Variants in SOX5 observed in about 807,000 individuals in gnomAD.
The protein encoded by SOX5 is SRY-box transcription factor 5.
Under a neutral mutation model 92.0 loss-of-function variants are expected in SOX5, and 9 were observed. The ratio of observed to expected loss-of-function variants is 0.10; its 90% confidence interval spans 0.06 to 0.17. The LOEUF (loss-of-function observed/expected upper bound fraction) is 0.17, where lower values mean the gene tolerates loss of function less well. Ranked by LOEUF, SOX5 falls within the 10% of genes least tolerant of loss-of-function variation. The pLI, the probability that SOX5 is intolerant of heterozygous loss-of-function variation, is 1.00. For missense variants in SOX5, 642 were observed against 944.5 expected (o/e 0.68, Z 4.20); for synonymous variants, 344 against 336.3 (o/e 1.02, Z -0.25).
At chr12:24,364,889 G>C (rs893695494) in intron 2 of SOX5, among the ~76,000 whole-genome samples, 3 of 151,968 alleles carry the variant, frequency 2.0e-5, no homozygotes, top group Admixed American at 6.6e-5. Flanking sequence ...AGAGGTTTGG[G>C]GAAAGAGTTT....
chr12:23,929,644 C>T (rs757918017), intron 1 of SOX5, among the ~76,000 whole-genome samples: 1 of 151,916 alleles, frequency 6.6e-6, no homozygotes, highest in Non-Finnish European at 1.5e-5. Context: ...ATTAAGCTCA[C>T]AAAAGGAGAT....
intron 4 of SOX5, among the ~76,000 whole-genome samples, chr12:24,065,663 A>G (rs962865722): frequency 1.7e-5 from 2 of 115,132 alleles, no homozygotes; most frequent in Admixed American, 8.0e-5. Flanking sequence ...AAAAAAAAAA[A>G]AAAGAAAAGA....
intron 1 of SOX5, among the ~76,000 whole-genome samples, chr12:24,372,678 A>C (rs1299821546): frequency 1.3e-5 from 2 of 152,158 alleles, no homozygotes; most frequent in Non-Finnish European, 1.5e-5. Flanking sequence ...TTGTATTTCT[A>C]GTTCTAGATC....
At chr12:24,386,378 T>A (rs1024495188) in intron 1 of SOX5, among the ~76,000 whole-genome samples, 25 of 152,286 alleles carry the variant, frequency 1.6e-4, no homozygotes, top group Middle Eastern at 3.4e-3. Flanking sequence ...ACTTTTATAG[T>A]ACCTCAAACC....
intron 3 of SOX5, among the ~76,000 whole-genome samples, chr12:23,761,540 T>C (rs564908607): frequency 4.6e-5 from 7 of 152,260 alleles, no homozygotes; most frequent in Admixed American, 1.3e-4. Flanking sequence ...CTTTTCATTT[T>C]ACAGACTAAA....
intron 4 of SOX5, among the ~76,000 whole-genome samples, chr12:24,133,652 A>G (rs1225009125): frequency 1.3e-5 from 2 of 152,152 alleles, no homozygotes; most frequent in Non-Finnish European, 2.9e-5. Flanking sequence ...GCAAGAGCAC[A>G]AGAACAAAAA....
chr12:24,429,328 AAAAC>A (rs1937785440), intron 1 of SOX5, among the ~76,000 whole-genome samples: 2 of 151,728 alleles, frequency 1.3e-5, no homozygotes, highest in South Asian at 2.1e-4. Context: ...AAAACAAAAC[AAAAC>A]AAAAAAACAA....
At chr12:23,883,324 C>T (rs563731180) in intron 2 of SOX5, among the ~76,000 whole-genome samples, 2 of 152,192 alleles carry the variant, frequency 1.3e-5, no homozygotes, top group Non-Finnish European at 2.9e-5. Flanking sequence ...AGTAAGACTA[C>T]TGAATCACTT....
chr12:23,624,052 T>G (rs1369984966), intron 8 of SOX5, among the ~76,000 whole-genome samples: 2 of 152,058 alleles, frequency 1.3e-5, no homozygotes, highest in Non-Finnish European at 2.9e-5. Context: ...GGATAAACAT[T>G]GAAGACATTA....
chr12:23,855,750 A>T (rs1169521786), intron 2 of SOX5, among the ~76,000 whole-genome samples: 2 of 152,152 alleles, frequency 1.3e-5, no homozygotes, highest in African/African-American at 4.8e-5. Context: ...CTCCAGCAGC[A>T]CCTTGAAACA....
chr12:23,998,377 G>T (rs1951237420), intron 4 of SOX5, among the ~76,000 whole-genome samples: 1 of 152,016 alleles, frequency 6.6e-6, no homozygotes, highest in Non-Finnish European at 1.5e-5. Context: ...TAGATCAATT[G>T]AATTTATCTT....
At chr12:24,269,839 A>ATTTTTTT (rs56939628) in intron 3 of SOX5, among the ~76,000 whole-genome samples, 2 of 62,094 alleles carry the variant, frequency 3.2e-5, no homozygotes, top group African/African-American at 1.1e-4. Flanking sequence ...CCACCATGCA[A>ATTTTTTT]TTTTTTTTTT....
upstream of SOX5, among the ~76,000 whole-genome samples, chr12:23,954,742 T>C (rs1946077333): frequency 6.6e-6 from 1 of 152,030 alleles, no homozygotes; most frequent in African/African-American, 2.4e-5. Context: ...ACTCTTTCTA[T>C]TGTCAGTTGG....
rs376543719 is a variant in SOX5 at position 24,161,970 on chromosome 12, A to T, written c.-2+51373T>A. Among the ~76,000 whole-genome samples, 25 of 152,260 alleles carry T rather than the reference A, an allele frequency of 1.6e-4. No homozygotes were observed. The South Asian group carries it at 5.2e-3, about 32-fold the overall frequency. On this transcript the variant is annotated intron_variant, in intron 4 of 4. Coordinates refer to the SOX5 transcript ENST00000446891. ...GGTTTTGAAGAAAAATTTATGGTTA[A>T]TGGGAAAATTTAATAGAAATCATTG...
chr12:23,630,389 G>A (rs1362326049), intron 8 of SOX5, among the ~76,000 whole-genome samples: 4 of 151,784 alleles, frequency 2.6e-5, no homozygotes, highest in South Asian at 2.1e-4. Context: ...AGATTCTTGC[G>A]ATGGGCCTTT....
intron 13 of SOX5, among the ~76,000 whole-genome samples, chr12:23,537,944 GT>G (rs5797021): frequency 0.64 from 95,210 of 147,804 alleles, 30,656 homozygotes; most frequent in East Asian, 0.95. Context: ...TAGTAATAGC[GT>G]TTTTTTTTTT....
intron 3 of SOX5, among the ~76,000 whole-genome samples, chr12:24,263,526 T>TGA (rs1942504011): frequency 2.4e-4 from 2 of 8,226 alleles, no homozygotes; most frequent in Non-Finnish European, 4.3e-3. Context: ...AGACTCCGTC[T>TGA]CAAAAAAAAA....
chr12:24,473,597 G>GT (rs1358095859), intron 1 of SOX5, among the ~76,000 whole-genome samples: 2 of 152,058 alleles, frequency 1.3e-5, no homozygotes, highest in Non-Finnish European at 2.9e-5. Flanking sequence ...ATGTTTTTAG[G>GT]TTTTTTTGCT....
chr12:24,342,795 A>G (rs1388533192), intron 2 of SOX5, among the ~76,000 whole-genome samples: 2 of 152,228 alleles, frequency 1.3e-5, no homozygotes, highest in Non-Finnish European at 2.9e-5. Flanking sequence ...TATACCATTC[A>G]TGAAATTTGT....
Sources: gnomAD v4.1 joint callset for allele counts (sites outside exome capture counted in the v4.1 genomes callset) on GRCh38, gnomAD v4.1.1 for gene constraint, MANE v1.5 for transcripts, NCBI Gene and HGNC (gene_info 2026-07-23, HGNC 2026-07-21) for gene names.